The following CACNA1D variants were observed in gnomAD, a reference collection of about 807,000 sequenced individuals.
CACNA1D encodes the protein calcium voltage-gated channel subunit alpha1 D.
In CACNA1D, 55 loss-of-function variants were observed where a neutral mutation model predicts 257.1. That is an observed-to-expected ratio of 0.21 (90% CI 0.17 to 0.27). CACNA1D has a LOEUF of 0.27. Among genes scored for constraint, CACNA1D ranks in the 10% least tolerant of loss-of-function variants. The pLI is 1.00. For synonymous variants in CACNA1D, 980 were observed against 1,014.9 expected, an observed-to-expected ratio of 0.97 and a Z score of 0.65; for missense variants, 1,876 against 2,784.0, an observed-to-expected ratio of 0.67 and a Z score of 7.34.
chr3:53,673,283 T>C lies in CACNA1D; in HGVS notation c.1220+157T>C, dbSNP rs1293159578. ...TCTGCTGAGGCTTCCCAAATCAAGC[T>C]GTTTCCTGGAACCTCACCAGGCTTC... On this transcript the variant is annotated intron_variant, in intron 8 of 47. Transcript: ENST00000350061. This position sits in a 1 kb window ranked among gnomAD's most constrained non-coding sequence, Gnocchi z 4.1. Among the ~76,000 whole-genome samples the C allele has an allele frequency of 6.6e-6, 1 of 152,194 alleles. No homozygotes were observed. Among genetic ancestry groups the C allele is most frequent in the Non-Finnish European group, 1.5e-5 (1 of 68,028 alleles).
chr3:53,710,823 A>G (rs1412652169), intron 9 of CACNA1D, among the ~76,000 whole-genome samples: 1 of 152,096 alleles, frequency 6.6e-6, no homozygotes, highest in Non-Finnish European at 1.5e-5. Flanking sequence ...AATTCCAATA[A>G]TGTTATTTGA....
chr3:53,593,421 A>G (rs2093332533), intron 3 of CACNA1D, among the ~76,000 whole-genome samples: 1 of 152,214 alleles, frequency 6.6e-6, no homozygotes, highest in African/African-American at 2.4e-5. Flanking sequence ...TGTAAGTGGA[A>G]TTAAATAACT....
chr3:53,603,812 T>C (rs765088288), intron 3 of CACNA1D, among the ~76,000 whole-genome samples: 3 of 152,188 alleles, frequency 2.0e-5, no homozygotes, highest in African/African-American at 4.8e-5. Context: ...ATTCACTGAA[T>C]TAGAATTTTG....
At chr3:53,598,880 A>C (rs2093406029) in intron 3 of CACNA1D, among the ~76,000 whole-genome samples, 1 of 152,202 alleles carries the variant, frequency 6.6e-6, no homozygotes, top group Non-Finnish European at 1.5e-5. Context: ...TCATCTTGGA[A>C]GATCTTTCTG....
chr3:53,692,342 C>T (rs1284369673), intron 8 of CACNA1D, among the ~76,000 whole-genome samples: 3 of 152,188 alleles, frequency 2.0e-5, no homozygotes, highest in South Asian at 4.2e-4. Context: ...TTGAGCCAGC[C>T]GAGTGGGATA....
At chr3:53,616,711 G>A (rs528200196) in intron 3 of CACNA1D, among the ~76,000 whole-genome samples, 37 of 152,240 alleles carry the variant, frequency 2.4e-4, no homozygotes, top group Non-Finnish European at 4.6e-4. Flanking sequence ...TCAGCCATGC[G>A]AATAATCACT....
chr3:53,737,159 G>T (rs534748492), intron 20 of CACNA1D, among the ~76,000 whole-genome samples: 61 of 151,942 alleles, frequency 4.0e-4, no homozygotes, highest in African/African-American at 1.4e-3. Context: ...AATTAGCCAG[G>T]TGTGGTGGTG....
intron 3 of CACNA1D, among the ~76,000 whole-genome samples, chr3:53,644,918 A>G (rs1340148012): frequency 6.6e-6 from 1 of 152,180 alleles, no homozygotes; most frequent in Non-Finnish European, 1.5e-5. Context: ...CCATAGTGGC[A>G]GTACTAATTT....
intron 2 of CACNA1D, among the ~76,000 whole-genome samples, chr3:53,498,400 C>T (rs1370313507): frequency 1.3e-5 from 2 of 152,186 alleles, no homozygotes; most frequent in Non-Finnish European, 2.9e-5. Flanking sequence ...GGAGGCCAAC[C>T]TCCAGTTACT....
chr3:53,672,156 G>A (rs1474261680), intron 7 of CACNA1D, among the ~76,000 whole-genome samples: 1 of 152,174 alleles, frequency 6.6e-6, no homozygotes, highest in Non-Finnish European at 1.5e-5. Flanking sequence ...GCTTGTCCGG[G>A]AATAGGGGAA....
chr3:53,736,888 T>TA (rs569401400), intron 20 of CACNA1D, among the ~76,000 whole-genome samples: 3,552 of 121,340 alleles, frequency 0.029, 96 homozygotes, highest in African/African-American at 0.084. Context: ...ACCCTGTCTC[T>TA]AAAAAAAAAA....
At chr3:53,667,963 G>A (rs1411303471) in intron 7 of CACNA1D, among the ~76,000 whole-genome samples, 1 of 152,076 alleles carries the variant, frequency 6.6e-6, no homozygotes, top group Non-Finnish European at 1.5e-5. Flanking sequence ...ATGCAGGAGG[G>A]CCCTCAGGTT....
chr3:53,550,326 C>T (rs1048848931), intron 3 of CACNA1D, among the ~76,000 whole-genome samples: 4 of 152,130 alleles, frequency 2.6e-5, no homozygotes, highest in Admixed American at 6.5e-5. Context: ...ACCCTGGAAC[C>T]ACCAAGCAGG....
chr3:53,634,260 G>A (rs545622598), intron 3 of CACNA1D, among the ~76,000 whole-genome samples: 1 of 152,234 alleles, frequency 6.6e-6, no homozygotes, highest in South Asian at 2.1e-4. Flanking sequence ...TTGAATTGAG[G>A]CAATTGTGAT....
intron 8 of CACNA1D, among the ~76,000 whole-genome samples, chr3:53,698,806 CTT>C (rs11393164): frequency 0.015 from 2,070 of 135,102 alleles, 49 homozygotes; most frequent in African/African-American, 0.052. Flanking sequence ...CACTTTATTG[CTT>C]TTTTTTTTTT....
chr3:53,686,088 T>A lies in CACNA1D; in HGVS notation c.1220+12962T>A, dbSNP rs9831878. Among the ~76,000 whole-genome samples, 965 of 152,090 alleles carry A rather than the reference T, an allele frequency of 6.3e-3. 10 individuals carry two copies. Among genetic ancestry groups the A allele is most frequent in the African/African-American group, 0.022 (911 of 41,534 alleles). On this transcript the variant is annotated intron_variant, in intron 8 of 47. Transcript: ENST00000350061. ...TACAGACATTAAAATAATAAGAGAATAAACTTGGTAACTTAGGAGAAACAG... is the reference window on the plus strand; with the variant it reads ...TACAGACATTAAAATAATAAGAGAAAAAACTTGGTAACTTAGGAGAAACAG...
At chr3:53,596,848 G>T (rs893292070) in intron 3 of CACNA1D, among the ~76,000 whole-genome samples, 1 of 152,200 alleles carries the variant, frequency 6.6e-6, no homozygotes, top group Admixed American at 6.5e-5. Context: ...ATAGTAACTT[G>T]TTATAGAAGC....
At chr3:53,503,644 A>G (rs757056509) in intron 3 of CACNA1D, among the ~76,000 whole-genome samples, 1 of 152,244 alleles carries the variant, frequency 6.6e-6, no homozygotes, top group South Asian at 2.1e-4. Flanking sequence ...AGGCACTGTC[A>G]GACCATTTGG....
intron 9 of CACNA1D, among the ~76,000 whole-genome samples, chr3:53,706,402 C>T (rs540896620): frequency 6.6e-6 from 1 of 152,312 alleles, no homozygotes; most frequent in East Asian, 1.9e-4. Flanking sequence ...GATGTGGCTG[C>T]AATGGAGTTT....
Sources: allele counts gnomAD v4.1 joint callset (sites outside exome capture counted in the v4.1 genomes callset), GRCh38; gene constraint gnomAD v4.1.1; non-coding constraint Gnocchi (gnomAD v3.1); transcripts MANE v1.5; gene names NCBI Gene and HGNC (gene_info 2026-07-23, HGNC 2026-07-21).